The following SLC26A5 variants were observed in gnomAD, a reference collection of about 807,000 sequenced individuals.
SLC26A5 encodes the protein solute carrier family 26 member 5, also known as prestin.
A neutral mutation model predicts 81.0 loss-of-function variants in SLC26A5; 51 were observed. The observed-to-expected ratio is 0.63, with a 90% CI of 0.50 to 0.80. SLC26A5 has a LOEUF of 0.80. SLC26A5 is among the 30% of genes least tolerant of loss of function. The probability of loss-of-function intolerance (pLI) is 0.00; values close to 1 mark genes in which losing one functional copy is unlikely to be tolerated. For missense variants in SLC26A5, 771 were observed against 905.8 expected (o/e 0.85, Z 1.91); for synonymous variants, 325 against 332.8 (o/e 0.98, Z 0.25).
intron 14 of SLC26A5, among the ~76,000 whole-genome samples, chr7:103,381,618 TACACACACC>T (rs1313917467): frequency 6.9e-6 from 1 of 145,514 alleles, no homozygotes; most frequent in Non-Finnish European, 1.5e-5. Flanking sequence ...CAATATACAA[TACACACACC>T]ACACATGCGT....
intron 14 of SLC26A5, among the ~76,000 whole-genome samples, chr7:103,385,904 G>A (rs974630268): frequency 6.7e-6 from 1 of 149,556 alleles, no homozygotes; most frequent in African/African-American, 2.5e-5. Flanking sequence ...GTTTTACCAG[G>A]TTGCCCAAAC....
At chr7:103,387,176 C>T (rs977158675) in intron 14 of SLC26A5, among the ~76,000 whole-genome samples, 6 of 152,178 alleles carry the variant, frequency 3.9e-5, no homozygotes, top group Admixed American at 3.3e-4. Flanking sequence ...TAGATAAATA[C>T]GGGCAACAGT....
chr7:103,370,308 C>A (rs780723582), downstream of SLC26A5, among the ~76,000 whole-genome samples: 2 of 152,098 alleles, frequency 1.3e-5, no homozygotes, highest in South Asian at 2.1e-4. Context: ...GATTTACTAT[C>A]TTTAAAGGGG....
chr7:103,375,890 G>A (rs1372103922), intron 19 of SLC26A5, among the ~76,000 whole-genome samples: 2 of 151,852 alleles, frequency 1.3e-5, no homozygotes, highest in African/African-American at 2.4e-5. Flanking sequence ...CGAGTAGCTG[G>A]GACTAAAGTC....
chr7:103,419,895 T>C (rs1190592281), intron 4 of SLC26A5, among the ~76,000 whole-genome samples: 1 of 152,116 alleles, frequency 6.6e-6, no homozygotes, highest in African/African-American at 2.4e-5. Context: ...TTGCTTATCA[T>C]TATAATTAAA....
Position 103,390,429 on chromosome 7 carries a change from C to A in SLC26A5, c.1311G>T (p.Gln437His). ...TCACCCAAGTCCACATTACACACAC[C>A]TGGGGCAATGATTCAAAGAGGAATC... ...ATGFLFESLP[Q>H]AVLSAIVIVN... The change falls in exon 12 of 20, where the codon CAG becomes CAT. Residue 437 changes from glutamine to histidine, a missense_variant and splice_region_variant. Coordinates refer to ENST00000306312, the MANE Select transcript of SLC26A5 (RefSeq NM_198999.3). The A allele has an allele frequency of 1.9e-6, 3 of 1,613,726 alleles. No individual in the cohort carries two copies. Among genetic ancestry groups the A allele is most frequent in the Non-Finnish European group, 2.5e-6 (3 of 1,179,648 alleles).
chr7:103,381,432 A>G (rs1821779632), intron 14 of SLC26A5, among the ~76,000 whole-genome samples: 1 of 151,150 alleles, frequency 6.6e-6, no homozygotes, highest in Non-Finnish European at 1.5e-5. Context: ...CACACCACAC[A>G]TACACAATAT....
chr7:103,357,842 T>G (rs1820129560), intron 19 of SLC26A5, among the ~76,000 whole-genome samples: 1 of 152,232 alleles, frequency 6.6e-6, no homozygotes, highest in Admixed American at 6.5e-5. Flanking sequence ...TTGTCTAAAC[T>G]GCTCTTCAGA....
chr7:103,376,692 A>G (rs1346277439), intron 19 of SLC26A5, 116 bp downstream of exon 19: 8 of 825,792 alleles, frequency 9.7e-6, no homozygotes, highest in Non-Finnish European at 1.5e-5. Context: ...TTTCAGAAGA[A>G]CAATTTTCAT....
At chr7:103,373,054 C>T (rs867153012), downstream of SLC26A5, among the ~76,000 whole-genome samples, 2 of 152,032 alleles carry the variant, frequency 1.3e-5, no homozygotes, top group African/African-American at 4.8e-5. Flanking sequence ...ATAGAATAAC[C>T]AACTAACAAA....
intron 2 of SLC26A5, among the ~76,000 whole-genome samples, chr7:103,441,877 C>G (rs1309490285): frequency 6.6e-6 from 1 of 152,158 alleles, no homozygotes; most frequent in Non-Finnish European, 1.5e-5. Context: ...ATGGCTTCAT[C>G]TGGACTGCTT....
At chr7:103,441,497 T>C (rs889751119) in intron 2 of SLC26A5, among the ~76,000 whole-genome samples, 2 of 152,206 alleles carry the variant, frequency 1.3e-5, no homozygotes, top group African/African-American at 4.8e-5. Flanking sequence ...TTCTGGTAAC[T>C]CAATAGTCTT....
chr7:103,445,357 G>T (rs1245532580), intron 1 of SLC26A5: 1 of 152,154 alleles, frequency 6.6e-6, no homozygotes, highest in Non-Finnish European at 1.5e-5. Flanking sequence ...ATTGGTTCCC[G>T]ATCAACTAAA....
intron 19 of SLC26A5, among the ~76,000 whole-genome samples, chr7:103,365,810 C>A (rs1820687906): frequency 6.6e-6 from 1 of 152,072 alleles, no homozygotes. Context: ...TGCCTGTAAT[C>A]CCAGCTACCC....
At chr7:103,377,521 A>C in intron 18 of SLC26A5, 78 bp downstream of exon 18, 1 of 1,333,476 alleles carries the variant, frequency 7.5e-7, no homozygotes, top group Non-Finnish European at 1.1e-6. Flanking sequence ...AAGAGAGCCT[A>C]GCCCACCTCC....
At chr7:103,381,832 AAC>A (rs757119733) in intron 14 of SLC26A5, among the ~76,000 whole-genome samples, 3 of 149,114 alleles carry the variant, frequency 2.0e-5, no homozygotes, top group Non-Finnish European at 4.5e-5. Context: ...CAATACACAC[AAC>A]ACACACATGC....
chr7:103,366,288 G>A lies in SLC26A5; in HGVS notation c.2041+10520C>T, dbSNP rs1452559503. Reference sequence around the variant, plus strand: ...CAACTCTTCTATGAGCTCTGAAACAGTGGCGCCACAGATCTAATAAGTAGT... The same window carrying A: ...CAACTCTTCTATGAGCTCTGAAACAATGGCGCCACAGATCTAATAAGTAGT... On this transcript the variant is annotated intron_variant, in intron 19 of 19. Coordinates refer to the SLC26A5 transcript ENST00000339444. 1.6e-5 allele frequency: 13 copies of A among 791,148 alleles called. No individual in the cohort carries two copies. The South Asian group carries it at 2.1e-4, about 13-fold the overall frequency. The allele number at this position is 791,148 out of a possible 1,614,324, so 49.0% of individuals were successfully genotyped here. A position where few individuals can be genotyped will look rare whatever the true frequency, so the allele number is the denominator to read the frequency against.
chr7:103,362,050 G>C (rs1446512014), intron 19 of SLC26A5: 1 of 1,613,360 alleles, frequency 6.2e-7, no homozygotes, highest in Non-Finnish European at 8.5e-7. Context: ...TTAGTGATCA[G>C]GTGGCACCTA....
chr7:103,403,904 C>G (rs1424459316), intron 8 of SLC26A5, among the ~76,000 whole-genome samples: 4 of 151,976 alleles, frequency 2.6e-5, no homozygotes, highest in African/African-American at 7.3e-5. Flanking sequence ...ATGCGTGGGC[C>G]AGGTGCGGTG....
Sources: gnomAD v4.1 joint callset for allele counts (sites outside exome capture counted in the v4.1 genomes callset) on GRCh38, gnomAD v4.1.1 for gene constraint, MANE v1.5 for transcripts, NCBI Gene and HGNC (gene_info 2026-07-23, HGNC 2026-07-21) for gene names.